The following NARS2 variants were observed in gnomAD, a reference collection of about 807,000 sequenced individuals.
NARS2 encodes asparaginyl-tRNA synthetase 2, mitochondrial.
NARS2 carries 60 observed loss-of-function variants against 62.9 expected under a neutral mutation model. The ratio of observed to expected loss-of-function variants is 0.95; its 90% CI spans 0.77 to 1.18. The LOEUF is 1.18. Among genes scored for constraint, NARS2 ranks in the 50% most tolerant of loss-of-function variants. NARS2 has a pLI of 0.00. For synonymous variants in NARS2, 196 were observed against 200.0 expected (o/e 0.98, Z 0.17); for missense variants, 619 against 576.4 (o/e 1.07, Z -0.76).
At chr11:78,544,934 C>T (rs1440376924) in intron 5 of NARS2, among the ~76,000 whole-genome samples, 4 of 151,830 alleles carry the variant, frequency 2.6e-5, no homozygotes, top group Admixed American at 6.6e-5. Context: ...GAGGTGAGAT[C>T]GCGCCACTGC....
At chr11:78,562,267 T>C (rs1320849041) in intron 4 of NARS2, among the ~76,000 whole-genome samples, 1 of 150,782 alleles carries the variant, frequency 6.6e-6, no homozygotes, top group African/African-American at 2.4e-5. Context: ...CTACAAAAAA[T>C]ACATTAAAAA....
chr11:78,556,641 T>A (rs776263395), intron 5 of NARS2, among the ~76,000 whole-genome samples: 7 of 152,248 alleles, frequency 4.6e-5, no homozygotes, highest in Non-Finnish European at 8.8e-5. Context: ...TTCTATTTTA[T>A]AGAAGGAAGT....
chr11:78,507,096 G>A (rs1590791162), intron 6 of NARS2, among the ~76,000 whole-genome samples: 1 of 151,998 alleles, frequency 6.6e-6, no homozygotes, highest in East Asian at 1.9e-4. Flanking sequence ...TGCTGATTGT[G>A]GTTTCTAATC....
chr11:78,505,300 A>G (rs1860448152), intron 6 of NARS2, among the ~76,000 whole-genome samples: 1 of 146,182 alleles, frequency 6.8e-6, no homozygotes, highest in African/African-American at 2.7e-5. Context: ...ACACACACAC[A>G]CACACACACA....
chr11:78,526,182 T>C (rs537252810), intron 6 of NARS2, among the ~76,000 whole-genome samples: 2 of 152,230 alleles, frequency 1.3e-5, no homozygotes, highest in Admixed American at 1.3e-4. Context: ...ATGGAAGATG[T>C]TTACAATGGG....
At chr11:78,481,248 G>T (rs192089605) in intron 7 of NARS2, among the ~76,000 whole-genome samples, 1 of 152,182 alleles carries the variant, frequency 6.6e-6, no homozygotes, top group African/African-American at 2.4e-5. Context: ...CAATGGGGAG[G>T]GTGAGAGGGG....
intron 6 of NARS2, among the ~76,000 whole-genome samples, chr11:78,520,123 G>C (rs1861060592): frequency 6.6e-6 from 1 of 151,956 alleles, no homozygotes; most frequent in African/African-American, 2.4e-5. Context: ...AGTTTCCTAA[G>C]GCTGCCATGA....
chr11:78,460,720 G>A (rs887202496), intron 11 of NARS2, among the ~76,000 whole-genome samples: 2 of 152,176 alleles, frequency 1.3e-5, no homozygotes, highest in African/African-American at 2.4e-5. Context: ...AGAAATCATA[G>A]GTTCAGTTTT....
At chr11:78,458,540 T>C (rs1331669299) in intron 11 of NARS2, among the ~76,000 whole-genome samples, 7 of 152,180 alleles carry the variant, frequency 4.6e-5, no homozygotes, top group African/African-American at 1.7e-4. Context: ...GCCACTAGAC[T>C]TTCCTTTATG....
At chr11:78,535,390 T>G (rs1383621745) in intron 5 of NARS2, among the ~76,000 whole-genome samples, 1 of 152,144 alleles carries the variant, frequency 6.6e-6, no homozygotes, top group Non-Finnish European at 1.5e-5. Flanking sequence ...ATAAAAAACA[T>G]TTTTTAAAGT....
At chr11:78,445,598 G>T (rs960140940) in intron 11 of NARS2, among the ~76,000 whole-genome samples, 1 of 152,164 alleles carries the variant, frequency 6.6e-6, no homozygotes, top group Admixed American at 6.5e-5. Flanking sequence ...CTCCAGCCTG[G>T]ATGACAAAGC....
At chr11:78,497,498 C>T (rs992389695) in intron 6 of NARS2, among the ~76,000 whole-genome samples, 2 of 152,110 alleles carry the variant, frequency 1.3e-5, no homozygotes, top group African/African-American at 4.8e-5. Flanking sequence ...CCCAAACCAC[C>T]CCCAACCTCC....
At chr11:78,480,374 C>T (rs1201290433) in intron 7 of NARS2, among the ~76,000 whole-genome samples, 1 of 152,092 alleles carries the variant, frequency 6.6e-6, no homozygotes, top group Non-Finnish European at 1.5e-5. Flanking sequence ...CCTGCCTCAG[C>T]CTCCTTAGCA....
chr11:78,483,972 C>G (rs984227434), intron 7 of NARS2, among the ~76,000 whole-genome samples: 1 of 152,176 alleles, frequency 6.6e-6, no homozygotes, highest in Admixed American at 6.5e-5. Context: ...AGACATCACA[C>G]TACCTGATTT....
chr11:78,488,568 A>G (rs1859677816), intron 7 of NARS2, among the ~76,000 whole-genome samples: 1 of 152,354 alleles, frequency 6.6e-6, no homozygotes, highest in Non-Finnish European at 1.5e-5. Context: ...TCTCACCTCC[A>G]GAAGTATACA....
chr11:78,503,923 G>A (rs150652047), intron 6 of NARS2, among the ~76,000 whole-genome samples: 1 of 152,178 alleles, frequency 6.6e-6, no homozygotes, highest in African/African-American at 2.4e-5. Flanking sequence ...TACTAAAAAT[G>A]AACACTCTTA....
intron 9 of NARS2, among the ~76,000 whole-genome samples, chr11:78,470,731 GAATT>G (rs1283390185): frequency 2.0e-5 from 3 of 152,028 alleles, no homozygotes; most frequent in East Asian, 1.9e-4. Context: ...TGCAAAAGTG[GAATT>G]ATTAGATGAA....
At position 78,574,461 on chromosome 11, in the gene NARS2, A is replaced by G; in HGVS notation, c.28T>C (p.Ser10Pro). ...GGGGCGGAGGAACAGAAGCGCACGGACCGCAGCAGGCAGCGGACCCCCAGC... is the reference window on the plus strand; with the variant it reads ...GGGGCGGAGGAACAGAAGCGCACGGGCCGCAGCAGGCAGCGGACCCCCAGC... MLGVRCLLR[S>P]VRFCSSAPFP... Residue 10 changes from serine to proline, a missense_variant, in exon 1 of 14, where the codon TCC (serine) becomes CCC (proline). Transcript: ENST00000281038. The G allele has an allele frequency of 6.2e-7, 1 of 1,613,500 alleles. No homozygotes were observed. Among genetic ancestry groups the G allele is most frequent in the South Asian group, 1.1e-5 (1 of 91,054 alleles).
chr11:78,509,838 A>AAAAAAGAAAAG (rs1555027144), intron 6 of NARS2, among the ~76,000 whole-genome samples: 1 of 150,914 alleles, frequency 6.6e-6, no homozygotes, highest in African/African-American at 2.4e-5. Flanking sequence ...AAAAAAAAAA[A>AAAAAAGAAAAG]AAAAGAAAAG....
Sources: gnomAD v4.1 joint callset for allele counts (sites outside exome capture counted in the v4.1 genomes callset) on GRCh38, gnomAD v4.1.1 for gene constraint, MANE v1.5 for transcripts, NCBI Gene and HGNC (gene_info 2026-07-23, HGNC 2026-07-21) for gene names.